Variants in IMMP1L observed in about 807,000 individuals in gnomAD.
IMMP1L encodes the protein mitochondrial inner membrane protease subunit 1.
A neutral mutation model predicts 21.8 loss-of-function variants in IMMP1L; 24 were observed. The ratio of observed to expected loss-of-function variants is 1.10; its 90% CI spans 0.80 to 1.55. The LOEUF (loss-of-function observed/expected upper bound fraction) is 1.55. Ranked by LOEUF, IMMP1L falls within the 40% of genes most tolerant of loss-of-function variation. The pLI is 0.00. For missense variants in IMMP1L, 195 were observed against 200.7 expected (o/e 0.97, Z 0.17); for synonymous variants, 46 against 62.8 (o/e 0.73, Z 1.26).
At chr11:31,443,042 A>G (rs1455139231) in intron 4 of IMMP1L, among the ~76,000 whole-genome samples, 2 of 152,182 alleles carry the variant, frequency 1.3e-5, no homozygotes, top group African/African-American at 2.4e-5. Flanking sequence ...AATAATTAAT[A>G]TTATGTAATT....
At chr11:31,442,198 T>C (rs1953355627) in intron 4 of IMMP1L, among the ~76,000 whole-genome samples, 1 of 152,298 alleles carries the variant, frequency 6.6e-6, no homozygotes, top group Middle Eastern at 3.4e-3. Flanking sequence ...TGAGCTATGA[T>C]AAAACCTAAT....
chr11:31,490,342 C>T (rs1043434960), intron 1 of IMMP1L, among the ~76,000 whole-genome samples: 1 of 151,732 alleles, frequency 6.6e-6, no homozygotes, highest in African/African-American at 2.4e-5. Flanking sequence ...CATCGTGGCG[C>T]GCGCCTGTAA....
chr11:31,436,085 T>C (rs530499386), intron 4 of IMMP1L, among the ~76,000 whole-genome samples: 1 of 151,594 alleles, frequency 6.6e-6, no homozygotes, highest in Admixed American at 6.5e-5. Flanking sequence ...TTGCATATAT[T>C]AGTCTTTGGG....
intron 1 of IMMP1L, among the ~76,000 whole-genome samples, chr11:31,495,067 G>A (rs1955388407): frequency 6.6e-6 from 1 of 152,186 alleles, no homozygotes; most frequent in Non-Finnish European, 1.5e-5. Flanking sequence ...CAGGGCAGTG[G>A]CAAAATGCCA....
chr11:31,459,041 A>T (rs1432821406), intron 3 of IMMP1L, among the ~76,000 whole-genome samples: 2 of 152,180 alleles, frequency 1.3e-5, no homozygotes, highest in Non-Finnish European at 2.9e-5. Flanking sequence ...CAAAGGCTAT[A>T]TAAGGATAAT....
intron 4 of IMMP1L, among the ~76,000 whole-genome samples, chr11:31,453,684 C>T (rs2133617594): frequency 6.6e-6 from 1 of 152,312 alleles, no homozygotes; most frequent in Admixed American, 6.5e-5. Context: ...GTAATAGCTA[C>T]ACAATTCTTA....
rs532207740 is a variant in IMMP1L, at chr11:31,456,287, T to C, written c.294A>G (p.Pro98=). 577 of 1,599,976 alleles carry C rather than the reference T, an allele frequency of 3.6e-4. 4 individuals are homozygous for C. In the South Asian group the frequency reaches 6.1e-3, roughly 17 times the overall value. The change falls in exon 4 of 6, where the codon CCA becomes CCG. Residue 98 remains proline, a synonymous_variant. Transcript: ENST00000532287. The part of the protein sequence containing the change: ...LEGDKILTTS[P]SDFFKSHSYV... Reference sequence around the variant, plus strand: ...AACTATGGCTTTTAAAGAAATCTGATGGACTAGTGGTGAGGATTTTGTCTC... The same window carrying C: ...AACTATGGCTTTTAAAGAAATCTGACGGACTAGTGGTGAGGATTTTGTCTC...
intron 1 of IMMP1L, among the ~76,000 whole-genome samples, chr11:31,468,756 G>GAAAA (rs1388500470): frequency 1.3e-5 from 2 of 152,066 alleles, no homozygotes; most frequent in African/African-American, 4.8e-5. Context: ...TTTCTGTAAA[G>GAAAA]AAAAATATAG....
intron 4 of IMMP1L, 120 bp from the exon 5 acceptor site, chr11:31,433,690 A>G (rs1953004640): frequency 8.4e-6 from 4 of 474,372 alleles, no homozygotes; most frequent in Middle Eastern, 5.9e-4. Context: ...TATAGAATAG[A>G]TACAAATCCT....
At chr11:31,464,008 TA>T (rs760549223) in intron 1 of IMMP1L, among the ~76,000 whole-genome samples, 15 of 152,144 alleles carry the variant, frequency 9.9e-5, no homozygotes, top group Non-Finnish European at 2.9e-5. Flanking sequence ...AAAATATTTC[TA>T]ATATCTGTCC....
chr11:31,495,444 T>TAG (rs762007471), intron 1 of IMMP1L, among the ~76,000 whole-genome samples: 49 of 152,190 alleles, frequency 3.2e-4, no homozygotes, highest in Non-Finnish European at 5.0e-4. Context: ...ATTCTCATGC[T>TAG]AGCCTCAGGC....
At chr11:31,452,566 T>C in intron 4 of IMMP1L, 1 of 985,474 alleles carries the variant, frequency 1.0e-6, no homozygotes, top group Non-Finnish European at 1.2e-6. Flanking sequence ...ACTGAGGAAT[T>C]CCTGTAGAAT....
intron 1 of IMMP1L, among the ~76,000 whole-genome samples, chr11:31,478,573 G>A (rs1015893287): frequency 3.9e-5 from 6 of 152,108 alleles, no homozygotes; most frequent in African/African-American, 1.4e-4. Flanking sequence ...TTTAAATGCA[G>A]GAGTCACAGG....
chr11:31,468,617 A>G (rs2133695024), intron 1 of IMMP1L, among the ~76,000 whole-genome samples: 1 of 152,314 alleles, frequency 6.6e-6, no homozygotes, highest in East Asian at 1.9e-4. Context: ...ACTACGTACC[A>G]GATACTGTGT....
intron 1 of IMMP1L, among the ~76,000 whole-genome samples, chr11:31,499,491 C>A (rs539866928): frequency 3.3e-5 from 5 of 152,278 alleles, no homozygotes; most frequent in South Asian, 2.1e-4. Context: ...TGAAGAATTT[C>A]TGGAAGACCA....
At chr11:31,503,123 C>G (rs1034456005) in intron 1 of IMMP1L, among the ~76,000 whole-genome samples, 1 of 152,150 alleles carries the variant, frequency 6.6e-6, no homozygotes, top group Non-Finnish European at 1.5e-5. Flanking sequence ...GCTTTCCTAG[C>G]ATCCAATATA....
intron 1 of IMMP1L, among the ~76,000 whole-genome samples, chr11:31,465,115 C>T (rs1044769843): frequency 6.6e-6 from 1 of 152,064 alleles, no homozygotes; most frequent in Non-Finnish European, 1.5e-5. Context: ...AGTCAACATA[C>T]AAAAATTAGT....
chr11:31,465,013 A>T (rs1053685622), intron 1 of IMMP1L, among the ~76,000 whole-genome samples: 2 of 152,152 alleles, frequency 1.3e-5, no homozygotes, highest in Non-Finnish European at 2.9e-5. Flanking sequence ...CTGGTTACAG[A>T]TGACATGATC....
chr11:31,461,536 G>A (rs906813759), intron 2 of IMMP1L, among the ~76,000 whole-genome samples: 1 of 152,140 alleles, frequency 6.6e-6, no homozygotes, highest in African/African-American at 2.4e-5. Flanking sequence ...GAAATGTTCT[G>A]AGTGTCTACA....
Sources: gnomAD v4.1 joint callset for allele counts (sites outside exome capture counted in the v4.1 genomes callset) on GRCh38, gnomAD v4.1.1 for gene constraint, MANE v1.5 for transcripts, NCBI Gene and HGNC (gene_info 2026-07-23, HGNC 2026-07-21) for gene names.